Variants in ZMAT4 observed in about 807,000 individuals in gnomAD.
ZMAT4 encodes zinc finger matrin-type 4.
Under a neutral mutation model 28.7 loss-of-function variants are expected in ZMAT4, and 17 were observed. The observed-to-expected ratio is 0.59, with a 90% CI of 0.41 to 0.89. The LOEUF is 0.89. ZMAT4 is among the 40% of genes least tolerant of loss of function. ZMAT4 has a pLI of 0.00. For synonymous variants in ZMAT4, 117 were observed against 109.2 expected (o/e 1.07, Z -0.44); for missense variants, 240 against 283.8 (o/e 0.85, Z 1.11).
At chr8:40,659,957 A>G (rs988223075) in intron 5 of ZMAT4, among the ~76,000 whole-genome samples, 6 of 152,196 alleles carry the variant, frequency 3.9e-5, no homozygotes, top group Non-Finnish European at 8.8e-5. Flanking sequence ...ATAACTGCAA[A>G]AGAAATCAGG....
intron 5 of ZMAT4, among the ~76,000 whole-genome samples, chr8:40,666,071 C>A (rs942037713): frequency 9.2e-5 from 14 of 152,076 alleles, no homozygotes; most frequent in African/African-American, 3.1e-4. Flanking sequence ...TAAAGGTCTG[C>A]AAAATGAATA....
intron 2 of ZMAT4, among the ~76,000 whole-genome samples, chr8:40,808,834 C>T (rs1215020915): frequency 1.3e-5 from 2 of 148,208 alleles, no homozygotes; most frequent in Admixed American, 6.9e-5. Flanking sequence ...GATGCTTATC[C>T]TGGATGCCAA....
At chr8:40,594,641 G>T (rs1805027365) in intron 5 of ZMAT4, among the ~76,000 whole-genome samples, 1 of 152,198 alleles carries the variant, frequency 6.6e-6, no homozygotes. Context: ...TGTAAACTAT[G>T]ATTATTTTTA....
intron 5 of ZMAT4, among the ~76,000 whole-genome samples, chr8:40,636,285 G>A (rs1806789525): frequency 6.6e-6 from 1 of 152,212 alleles, no homozygotes; most frequent in African/African-American, 2.4e-5. Flanking sequence ...GACTGCAATT[G>A]AAAAACTGAC....
intron 5 of ZMAT4, among the ~76,000 whole-genome samples, chr8:40,609,723 T>C (rs1375693244): frequency 6.6e-6 from 1 of 152,316 alleles, no homozygotes; most frequent in Non-Finnish European, 1.5e-5. Flanking sequence ...TCTTGATTTC[T>C]TGATGGAAAA....
rs77885703 is a variant in ZMAT4 at position 40,803,701 on chromosome 8, A to G, written c.102+21874T>C. ...TTACAAAACTAACCATACTCCTTCC[A>G]TATAATCCAGAAATCACACTCGTTG... On this transcript the variant is annotated intron_variant, in intron 2 of 6. Transcript: ENST00000297737. Among the ~76,000 whole-genome samples the G allele has an allele frequency of 0.015, 2,264 of 152,302 alleles. 132 individuals carry two copies. The East Asian group carries it at 0.21, about 14-fold the overall frequency.
chr8:40,685,016 T>C (rs1352177772), intron 4 of ZMAT4, among the ~76,000 whole-genome samples: 1 of 152,186 alleles, frequency 6.6e-6, no homozygotes, highest in Non-Finnish European at 1.5e-5. Flanking sequence ...CTATGAAAAT[T>C]GGCTGCGTTT....
intron 6 of ZMAT4, among the ~76,000 whole-genome samples, chr8:40,534,502 G>A (rs769228196): frequency 1.3e-5 from 2 of 152,118 alleles, no homozygotes; most frequent in African/African-American, 2.4e-5. Flanking sequence ...CATTTGTGGC[G>A]AAGGGCAGTC....
chr8:40,605,884 T>A (rs1476733523), intron 5 of ZMAT4, among the ~76,000 whole-genome samples: 1 of 152,204 alleles, frequency 6.6e-6, no homozygotes, highest in African/African-American at 2.4e-5. Flanking sequence ...TTAAGGATTG[T>A]GATATTTTCC....
At chr8:40,844,629 CCT>C (rs145438726) in intron 1 of ZMAT4, among the ~76,000 whole-genome samples, 12,575 of 150,146 alleles carry the variant, frequency 0.084, 747 homozygotes, top group Middle Eastern at 0.16. Context: ...CTCTCTCTCT[CCT>C]CTCTCTCTGC....
chr8:40,601,473 G>GAAAGAAAGAAAGAAA lies in ZMAT4; in HGVS notation c.578-20227_578-20213dup, dbSNP rs1554525368. On this transcript the variant is annotated intron_variant, in intron 5 of 6. Coordinates refer to ENST00000297737, the MANE Select transcript of ZMAT4 (RefSeq NM_024645.3). ...GGAAGGAAGGGAGGAAGAAAGGAAA[G>GAAAGAAAGAAAGAAA]AAAGAAAGAAAGAAAGAAAGAGAGA... Among the ~76,000 whole-genome samples the GAAAGAAAGAAAGAAA allele has an allele frequency of 1.3e-3, 99 of 77,056 alleles. 13 individuals are homozygous for GAAAGAAAGAAAGAAA. In the East Asian group the frequency reaches 0.013, roughly 10 times the overall value. The allele number at this position is 77,056 out of a possible 152,430, so 50.6% of individuals were successfully genotyped here.
At chr8:40,896,133 C>T (rs879289337) in intron 1 of ZMAT4, among the ~76,000 whole-genome samples, 1 of 152,090 alleles carries the variant, frequency 6.6e-6, no homozygotes, top group Non-Finnish European at 1.5e-5. Context: ...ATCACAGTTC[C>T]CACCCAAAAT....
chr8:40,541,002 C>T (rs145773046), intron 6 of ZMAT4, among the ~76,000 whole-genome samples: 8 of 152,188 alleles, frequency 5.3e-5, no homozygotes, highest in South Asian at 4.2e-4. Flanking sequence ...AGTTCTGGCA[C>T]GTAGCAGCTC....
chr8:40,532,709 G>T (rs202124064), intron 6 of ZMAT4, among the ~76,000 whole-genome samples: 10 of 151,546 alleles, frequency 6.6e-5, no homozygotes, highest in South Asian at 2.1e-4. Context: ...AAAAAAAATT[G>T]TTTCTGGGCC....
intron 5 of ZMAT4, among the ~76,000 whole-genome samples, chr8:40,601,913 T>C (rs1022005407): frequency 2.6e-5 from 4 of 152,184 alleles, no homozygotes; most frequent in Non-Finnish European, 5.9e-5. Context: ...CAGGTGGTGT[T>C]TGGTTACATG....
intron 1 of ZMAT4, among the ~76,000 whole-genome samples, chr8:40,847,212 AAC>A (rs1491264946): frequency 2.9e-4 from 24 of 83,566 alleles, no homozygotes; most frequent in African/African-American, 3.3e-4. Flanking sequence ...TAAAAAAACA[AAC>A]AAACAAAAAA....
intron 3 of ZMAT4, among the ~76,000 whole-genome samples, chr8:40,730,033 A>G (rs1364091878): frequency 2.6e-5 from 4 of 152,238 alleles, no homozygotes; most frequent in Non-Finnish European, 2.9e-5. Flanking sequence ...AGAAGGCTTC[A>G]CTTGAATTTC....
At chr8:40,601,594 GAAA>G (rs1805346772) in intron 5 of ZMAT4, among the ~76,000 whole-genome samples, 1 of 12,564 alleles carries the variant, frequency 8.0e-5, no homozygotes, top group African/African-American at 2.7e-4. Flanking sequence ...AAGAAAGAAA[GAAA>G]GAAAGAAAGA....
intron 3 of ZMAT4, among the ~76,000 whole-genome samples, chr8:40,702,762 C>T (rs566363625): frequency 6.6e-6 from 1 of 152,282 alleles, no homozygotes; most frequent in South Asian, 2.1e-4. Context: ...AAGCTTCACT[C>T]AGGCATGCGT....
Sources: gnomAD v4.1 joint callset for allele counts (sites outside exome capture counted in the v4.1 genomes callset) on GRCh38, gnomAD v4.1.1 for gene constraint, MANE v1.5 for transcripts, NCBI Gene and HGNC (gene_info 2026-07-23, HGNC 2026-07-21) for gene names.